DTWD2: variants seen among roughly 807,000 people sequenced by gnomAD.
DTWD2 encodes the protein tRNA-uridine aminocarboxypropyltransferase 2.
In DTWD2, 39 loss-of-function variants were observed where a neutral mutation model predicts 31.8. The observed-to-expected ratio is 1.22, with a 90% confidence interval of 0.95 to 1.60. The LOEUF is 1.60. DTWD2 is among the 40% of genes most tolerant of loss of function. The pLI is 0.00. For synonymous variants in DTWD2, 180 were observed against 142.8 expected (o/e 1.26, Z -1.86); for missense variants, 515 against 381.5 (o/e 1.35, Z -2.92).
intron 4 of DTWD2, among the ~76,000 whole-genome samples, chr5:118,904,527 GA>G (rs894154283): frequency 6.6e-6 from 1 of 151,918 alleles, no homozygotes; most frequent in Non-Finnish European, 1.5e-5. Context: ...TTTTTTAATC[GA>G]CTGACATTAA....
chr5:118,983,035 G>A (rs565621908), intron 1 of DTWD2, among the ~76,000 whole-genome samples: 1 of 152,106 alleles, frequency 6.6e-6, no homozygotes. Context: ...AACAGTTTCA[G>A]TTATTCTACA....
intron 5 of DTWD2, among the ~76,000 whole-genome samples, chr5:118,841,532 T>C (rs1156638822): frequency 6.6e-6 from 1 of 152,164 alleles, no homozygotes; most frequent in Non-Finnish European, 1.5e-5. Flanking sequence ...ATGGCAGCAA[T>C]GGGTAAACGG....
intron 4 of DTWD2, among the ~76,000 whole-genome samples, chr5:118,926,544 A>T (rs1006444644): frequency 4.6e-5 from 7 of 152,016 alleles, no homozygotes; most frequent in South Asian, 2.1e-4. Context: ...TTGAAATTTT[A>T]AAAAAAAGAA....
At chr5:118,890,776 G>C (rs112358544) in intron 4 of DTWD2, among the ~76,000 whole-genome samples, 3,872 of 152,034 alleles carry the variant, frequency 0.025, 161 homozygotes, top group African/African-American at 0.083. Context: ...TCGCCATGTT[G>C]GCCAGGATGG....
chr5:118,883,355 CCTGT>C (rs990344443), intron 4 of DTWD2, among the ~76,000 whole-genome samples: 105 of 152,296 alleles, frequency 6.9e-4, no homozygotes, highest in African/African-American at 2.4e-3. Flanking sequence ...TCCACATCTT[CCTGT>C]CTTTTTCTGA....
chr5:118,985,490 TTATATATATATATA>T (rs56393420), intron 1 of DTWD2, among the ~76,000 whole-genome samples: 13 of 95,426 alleles, frequency 1.4e-4, no homozygotes, highest in Admixed American at 3.6e-4. Context: ...ATGTGCATTT[TTATATATATATATA>T]TATATATATA....
chr5:118,988,535 G>A lies in DTWD2; in HGVS notation c.-24C>T. ...ATGGCGGACACTCCGGTCAGGCCGT[G>A]GCATTGAAGCCCGGCTGCCGCCGGG... On this transcript the variant is annotated 5_prime_UTR_variant, in exon 1 of 6. Transcript: ENST00000510708. 1.3e-6 allele frequency: 2 copies of A among 1,498,016 alleles called. No individual in the cohort carries two copies. The highest frequency in any genetic ancestry group is 1.8e-6 in the Non-Finnish European group (2 of 1,126,580). The allele number at this position is 1,498,016 out of a possible 1,614,324, so 92.8% of individuals were successfully genotyped here.
chr5:118,867,961 T>C (rs1285868563), intron 4 of DTWD2, among the ~76,000 whole-genome samples: 3 of 151,932 alleles, frequency 2.0e-5, no homozygotes, highest in South Asian at 2.1e-4. Flanking sequence ...AAACTGCAAA[T>C]AGTCAAAGCA....
rs77898034 is a variant in DTWD2 at position 118,980,247 on chromosome 5, C to T, written c.218+8047G>A. ...CCATTGTAAAAAATTCAGGAACACA[C>T]TAAGTTCAAGGTCCTTCAGCCAGGA... On this transcript the variant is annotated intron_variant, in intron 1 of 5. Transcript: ENST00000510708. 1.5e-3 allele frequency among the ~76,000 whole-genome samples: 222 copies of T among 152,330 alleles called. 6 individuals are homozygous for T. In the East Asian group the frequency reaches 0.04, roughly 27 times the overall value.
chr5:118,876,187 CT>C (rs1221160518), intron 4 of DTWD2, among the ~76,000 whole-genome samples: 19 of 152,190 alleles, frequency 1.2e-4, no homozygotes, highest in African/African-American at 4.6e-4. Flanking sequence ...ACCAGAACCT[CT>C]GGGACACAGG....
At chr5:118,854,074 T>C (rs901884577) in intron 4 of DTWD2, among the ~76,000 whole-genome samples, 8 of 152,130 alleles carry the variant, frequency 5.3e-5, no homozygotes, top group South Asian at 2.1e-4. Context: ...TGGAGGAACT[T>C]TGGTAAGTTA....
At chr5:118,874,949 T>A (rs1343143037) in intron 4 of DTWD2, among the ~76,000 whole-genome samples, 2 of 151,928 alleles carry the variant, frequency 1.3e-5, no homozygotes, top group East Asian at 3.9e-4. Context: ...AAAAAAATGT[T>A]AAAGGCAGTC....
intron 3 of DTWD2, among the ~76,000 whole-genome samples, chr5:118,938,694 A>G (rs1754106308): frequency 6.6e-6 from 1 of 151,998 alleles, no homozygotes; most frequent in Non-Finnish European, 1.5e-5. Context: ...AGACTGGGCA[A>G]CAAAGTGAGA....
chr5:118,938,288 T>C (rs935793336), intron 3 of DTWD2, among the ~76,000 whole-genome samples: 5 of 152,138 alleles, frequency 3.3e-5, no homozygotes, highest in African/African-American at 4.8e-5. Context: ...GCTGCTTACA[T>C]AGAAAGTTCC....
At chr5:118,951,269 A>C (rs1320000447) in intron 1 of DTWD2, among the ~76,000 whole-genome samples, 1 of 152,148 alleles carries the variant, frequency 6.6e-6, no homozygotes, top group Non-Finnish European at 1.5e-5. Flanking sequence ...GCCGAGGAAG[A>C]AGTGGGACCT....
chr5:118,883,577 G>C (rs184547412), intron 4 of DTWD2, among the ~76,000 whole-genome samples: 1 of 152,178 alleles, frequency 6.6e-6, no homozygotes, highest in East Asian at 1.9e-4. Context: ...CATAGCTGAG[G>C]AGGCCTCAGG....
At chr5:118,981,398 T>G (rs1035036661) in intron 1 of DTWD2, among the ~76,000 whole-genome samples, 1 of 152,194 alleles carries the variant, frequency 6.6e-6, no homozygotes, top group African/African-American at 2.4e-5. Flanking sequence ...GACTGCCAAA[T>G]AACTTGTCTA....
At chr5:118,895,388 C>T (rs182128669) in intron 4 of DTWD2, among the ~76,000 whole-genome samples, 13 of 152,232 alleles carry the variant, frequency 8.5e-5, no homozygotes, top group South Asian at 2.1e-4. Context: ...AAAGATATCC[C>T]GTGCTCATGG....
chr5:118,930,711 C>G (rs1753903858), intron 3 of DTWD2, among the ~76,000 whole-genome samples: 3 of 152,202 alleles, frequency 2.0e-5, no homozygotes, highest in African/African-American at 7.2e-5. Context: ...ACCTTGAAAA[C>G]ATTATGCTAA....
Sources: gnomAD v4.1 joint callset for allele counts (sites outside exome capture counted in the v4.1 genomes callset) on GRCh38, gnomAD v4.1.1 for gene constraint, MANE v1.5 for transcripts, NCBI Gene and HGNC (gene_info 2026-07-23, HGNC 2026-07-21) for gene names.